Variants in VASH1 observed in about 807,000 individuals in gnomAD.
VASH1 encodes tubulinyl-Tyr carboxypeptidase 1.
In VASH1, 16 loss-of-function variants were observed where a neutral mutation model predicts 35.0. The observed-to-expected ratio is 0.46, with a 90% confidence interval of 0.31 to 0.70. The LOEUF is 0.70. Among genes scored for constraint, VASH1 ranks in the 30% least tolerant of loss-of-function variants. The pLI, the probability that VASH1 is intolerant of heterozygous loss-of-function variation, is 0.05. For missense variants in VASH1, 505 were observed against 510.7 expected, an observed-to-expected ratio of 0.99 and a Z score of 0.11; for synonymous variants, 214 against 200.9, an observed-to-expected ratio of 1.07 and a Z score of -0.55.
At position 76,779,100 on chromosome 14, in the gene VASH1, G is replaced by A; in HGVS notation, c.*82G>A. 6 of 1,481,490 alleles carry A rather than the reference G, an allele frequency of 4.0e-6. No individual in the cohort carries two copies. Among genetic ancestry groups the A allele is most frequent in the Non-Finnish European group, 5.6e-6 (6 of 1,067,006 alleles). The allele number at this position is 1,481,490 out of a possible 1,614,324, so 91.8% of individuals were successfully genotyped here. A position where few individuals can be genotyped will look rare whatever the true frequency, so the allele number is the denominator to read the frequency against. On this transcript the variant is annotated 3_prime_UTR_variant, in exon 7 of 7. Transcript: ENST00000167106. ...GGAACCAGCCTTATGCATGGGGAAG[G>A]CGGGGCTGGTGACAAGGCAGGGCAA... is the stretch of plus-strand genomic sequence containing the variant.
In VASH1 at chr14:76,769,330, G is replaced by A. The variant is rs546979202; in HGVS notation, c.310-633G>A. 1.1e-4 allele frequency: 137 copies of A among 1,289,082 alleles called. No individual in the cohort carries two copies. In the Middle Eastern group the frequency reaches 1.7e-3, roughly 16 times the overall value. The allele number at this position is 1,289,082 out of a possible 1,614,324, so 79.9% of individuals were successfully genotyped here. On this transcript the variant is annotated intron_variant, in intron 1 of 6. Transcript: ENST00000167106. ...AAAGAGAAGACTTGGAGGAGGACCC[G>A]GCCCCTCTGTGCATGCCCCAGCCAC...
In VASH1 at chr14:76,778,087, C is replaced by G. The variant is rs780124150; in HGVS notation, c.1025+16C>G. On this transcript the variant is annotated intron_variant, in intron 6 of 6. Transcript: ENST00000167106. ...GTGAAAGACGGTGAGAGAGGGACCACGCCTGGGTGGGTCCAAAGAGGGTTT... is the reference window on the plus strand; with the variant it reads ...GTGAAAGACGGTGAGAGAGGGACCAGGCCTGGGTGGGTCCAAAGAGGGTTT... The G allele has an allele frequency of 2.1e-6, 3 of 1,440,258 alleles. No homozygotes were observed. Among genetic ancestry groups the G allele is most frequent in the Admixed American group, 3.3e-5 (1 of 30,690 alleles). The allele number at this position is 1,440,258 out of a possible 1,614,324, so 89.2% of individuals were successfully genotyped here. A position where few individuals can be genotyped will look rare whatever the true frequency, so the allele number is the denominator to read the frequency against.
chr14:76,763,152 G>T lies in VASH1; in HGVS notation c.309+22G>T, dbSNP rs111457068. The T allele has an allele frequency of 2.6e-4, 377 of 1,434,270 alleles. No individual in the cohort carries two copies. In the African/African-American group the frequency reaches 5.0e-3, roughly 19 times the overall value. The allele number at this position is 1,434,270 out of a possible 1,614,324, so 88.8% of individuals were successfully genotyped here. A position where few individuals can be genotyped will look rare whatever the true frequency, so the allele number is the denominator to read the frequency against. ...CAAGGTGAGACACACGGGTCAGGGG[G>T]GTGATAGCACAGTCTAGGTTTTAGT... On this transcript the variant is annotated intron_variant, in intron 1 of 6. Transcript: ENST00000167106.
chr14:76,767,769 G>A (rs1893683008), intron 1 of VASH1, among the ~76,000 whole-genome samples: 1 of 152,224 alleles, frequency 6.6e-6, no homozygotes, highest in African/African-American at 2.4e-5. Context: ...TGTCTGCAGT[G>A]GGGTGACATG....
Position 76,773,066 on chromosome 14 carries a change from C to G in VASH1, c.456-71C>G. On this transcript the variant is annotated intron_variant, in intron 3 of 6. Transcript: ENST00000167106. ...TTCTAGCATTTCTAGTCCACCCTGC[C>G]CCCTCCTTCTCACATTCCCCTGGAG... is the stretch of plus-strand genomic sequence containing the variant. The G allele has an allele frequency of 2.7e-6, 4 of 1,489,530 alleles. No homozygotes were observed. The East Asian group carries it at 9.1e-5, about 34-fold the overall frequency. 92.3% of individuals were successfully genotyped at this position (1,489,530 alleles called of 1,614,324 possible). A position where few individuals can be genotyped will look rare whatever the true frequency, so the allele number is the denominator to read the frequency against.
intron 1 of VASH1, among the ~76,000 whole-genome samples, chr14:76,768,770 GCA>G (rs1384497405): frequency 2.0e-5 from 3 of 152,178 alleles, no homozygotes; most frequent in Non-Finnish European, 2.9e-5. Context: ...GTGCCCCTGA[GCA>G]CAGACTGTGA....
chr14:76,769,234 A>C, intron 1 of VASH1: 3 of 1,244,352 alleles, frequency 2.4e-6, no homozygotes, highest in African/African-American at 1.5e-5. Context: ...GGGTGCTGGA[A>C]AGTGCGTTCT....
chr14:76,769,896 T>C, intron 1 of VASH1, 67 bp from the exon 2 acceptor site: 1 of 1,524,254 alleles, frequency 6.6e-7, no homozygotes, highest in South Asian at 1.1e-5. Context: ...CAGTCCTAGG[T>C]GTTTGGTGGA....
chr14:76,769,157 C>T (rs1893723417), intron 1 of VASH1: 3 of 558,320 alleles, frequency 5.4e-6, no homozygotes, highest in Admixed American at 1.3e-4. Flanking sequence ...GACCTTACCC[C>T]CAGCAGCCTC....
intron 1 of VASH1, among the ~76,000 whole-genome samples, chr14:76,768,743 C>A (rs1217318542): frequency 6.6e-6 from 1 of 152,194 alleles, no homozygotes; most frequent in African/African-American, 2.4e-5. Context: ...CCCAGCCCTA[C>A]CCCCTTCCCT....
At position 76,778,053 on chromosome 14, in the gene VASH1, A is replaced by G. The variant is rs1893994096; in HGVS notation, c.1007A>G (p.Asn336Ser). The change falls in exon 6 of 7, where the codon AAC becomes AGC. Residue 336 changes from asparagine (N) to serine (S), a missense_variant. Transcript: ENST00000167106. ...QRAQSSPHRR[N>S]SRSERRPSGD... is the part of the protein sequence containing the mutation. ...GCCCAGTCCAGCCCCCACCGCAGGA[A>G]CAGCCGCAGTGAAAGACGGTGAGAG... The G allele has an allele frequency of 6.6e-7, 1 of 1,509,300 alleles. No individual in the cohort carries two copies. The highest frequency in any genetic ancestry group is 2.8e-5 in the East Asian group (1 of 36,290). 93.5% of individuals were successfully genotyped at this position (1,509,300 alleles called of 1,614,324 possible).
rs938226811 is a variant in VASH1 at position 76,771,225 on chromosome 14, A to G, written c.434A>G (p.Lys145Arg). The G allele has an allele frequency of 1.6e-5, 25 of 1,604,784 alleles. No homozygotes were observed. The Admixed American group carries it at 2.2e-4, about 14-fold the overall frequency. ...ACAGGGACACAGTTCTTTGAAATTA[A>G]GAAGAGCAGACCTCTGACAGGGTAA... is the stretch of plus-strand genomic sequence containing the variant. ...NHTGTQFFEIKKSRPLTGLMD... is the reference protein window; with the variant it reads ...NHTGTQFFEIRKSRPLTGLMD... Residue 145 changes from lysine to arginine, a missense_variant, in exon 3 of 7, where the codon AAG becomes AGG. Lys to Arg is a conservative substitution (Grantham distance 26). Transcript: ENST00000167106.
At chr14:76,764,971 C>T (rs1893603325) in intron 1 of VASH1, among the ~76,000 whole-genome samples, 1 of 152,098 alleles carries the variant, frequency 6.6e-6, no homozygotes, top group African/African-American at 2.4e-5. Flanking sequence ...GGATTACAGG[C>T]GTGAACCACC....
Position 76,763,093 on chromosome 14 carries a change from T to C in VASH1, c.272T>C (p.Val91Ala). 6.7e-7 allele frequency: 1 copy of C among 1,502,836 alleles called. No individual in the cohort carries two copies. The highest frequency in any genetic ancestry group is 8.9e-7 in the Non-Finnish European group (1 of 1,120,062). 93.1% of individuals were successfully genotyped at this position (1,502,836 alleles called of 1,614,324 possible). ...VAKIHPDGEK[V>A]AQRIRGATDL... ...AAGATCCACCCCGATGGAGAGAAGG[T>C]GGCGCAACGGATCCGTGGGGCCACA... Residue 91 changes from valine (V) to alanine (A), a missense_variant, in exon 1 of 7, where the codon GTG becomes GCG. Transcript: ENST00000167106.
chr14:76,763,693 G>A (rs926530398), intron 1 of VASH1, among the ~76,000 whole-genome samples: 11 of 152,174 alleles, frequency 7.2e-5, no homozygotes, highest in African/African-American at 9.7e-5. Flanking sequence ...AGAAGGGCGG[G>A]GGGTGGTGGT....
chr14:76,767,861 C>T (rs1040898125), intron 1 of VASH1, among the ~76,000 whole-genome samples: 1 of 152,330 alleles, frequency 6.6e-6, no homozygotes, highest in Middle Eastern at 3.4e-3. Context: ...TTCCTTCTCC[C>T]AGAGCAGCCA....
At chr14:76,765,276 C>T (rs975654198) in intron 1 of VASH1, among the ~76,000 whole-genome samples, 1 of 152,118 alleles carries the variant, frequency 6.6e-6, no homozygotes, top group Admixed American at 6.6e-5. Flanking sequence ...AGGAAAGACA[C>T]GGATGAAGGA....
chr14:76,768,799 C>T (rs192514165), intron 1 of VASH1, among the ~76,000 whole-genome samples: 25 of 150,614 alleles, frequency 1.7e-4, no homozygotes, highest in Non-Finnish European at 3.1e-4. Context: ...GCAGTCCCAT[C>T]GGGTGGGTGG....
chr14:76,764,603 G>A (rs1415192312), intron 1 of VASH1, among the ~76,000 whole-genome samples: 1 of 152,070 alleles, frequency 6.6e-6, no homozygotes, highest in Admixed American at 6.5e-5. Flanking sequence ...GTTGATTGTG[G>A]GGAAGAAATG....
Sources: gnomAD v4.1 joint callset for allele counts (sites outside exome capture counted in the v4.1 genomes callset) on GRCh38, gnomAD v4.1.1 for gene constraint, MANE v1.5 for transcripts, NCBI Gene and HGNC (gene_info 2026-07-23, HGNC 2026-07-21) for gene names.